The following ALOX12B variants were observed in gnomAD, a reference collection of about 807,000 sequenced individuals.
ALOX12B encodes the protein arachidonate 12-lipoxygenase, 12R-type.
Under a neutral mutation model 78.9 loss-of-function variants are expected in ALOX12B, and 47 were observed. That is an observed-to-expected ratio of 0.60 (90% CI 0.47 to 0.76). The LOEUF is 0.76. Ranked by LOEUF, ALOX12B falls within the 30% of genes least tolerant of loss-of-function variation. ALOX12B has a pLI of 0.00. For missense variants in ALOX12B, 805 were observed against 922.6 expected (o/e 0.87, Z 1.65); for synonymous variants, 370 against 374.5 (o/e 0.99, Z 0.14).
At position 8,086,221 on chromosome 17, in the gene ALOX12B, C is replaced by T; in HGVS notation, c.148-1G>A. The T allele has an allele frequency of 6.2e-7, 1 of 1,613,864 alleles. No homozygotes were observed. The highest frequency in any genetic ancestry group is 1.3e-5 in the African/African-American group (1 of 75,022). On this transcript the variant is annotated splice_acceptor_variant, in intron 1 of 14. Transcript: ENST00000647874. LOFTEE classifies it high-confidence loss of function. The stretch of plus-strand genomic sequence containing the variant: ...GGCACTGCACGGTGTACTGGCCCAC[C>T]TAGGCAGGATGCAAGCCTGGCTGAG...
chr17:8,074,699 G>T (rs1046180307), intron 12 of ALOX12B, among the ~76,000 whole-genome samples: 4 of 152,108 alleles, frequency 2.6e-5, no homozygotes, highest in African/African-American at 9.7e-5. Flanking sequence ...CCTTAACCAG[G>T]CTGTGCAGCC....
intron 9 of ALOX12B, 86 bp downstream of exon 9, chr17:8,076,904 T>C: frequency 6.7e-7 from 1 of 1,488,504 alleles, no homozygotes. Context: ...CTGGAGTCTC[T>C]CTGACTGCTC....
chr17:8,076,399 A>C (rs1977083662), intron 10 of ALOX12B, 55 bp from the exon 11 acceptor site: 8 of 1,545,514 alleles, frequency 5.2e-6, no homozygotes, highest in Non-Finnish European at 7.0e-6. Flanking sequence ...GAACCCCTTC[A>C]GGTCCTCTAG....
Position 8,079,963 on chromosome 17 carries a change from G to C in ALOX12B, c.755-22C>G, listed in dbSNP as rs373416614. 9 of 1,606,476 alleles carry C rather than the reference G, an allele frequency of 5.6e-6. No individual in the cohort carries two copies. The highest frequency in any genetic ancestry group is 1.7e-5 in the Admixed American group (1 of 58,896). On this transcript the variant is annotated intron_variant, in intron 6 of 14. Transcript: ENST00000647874. The surrounding 1 kb of genome is among the most constrained non-coding windows in gnomAD (Gnocchi z 6.4). ...TACTCTGCGAGGACGGCGCGAGGGC[G>C]TCACAAGGAGGCCCGGCCCCCCTCG... is the stretch of plus-strand genomic sequence containing the variant.
At chr17:8,074,361 C>T (rs1046640661) in intron 12 of ALOX12B, among the ~76,000 whole-genome samples, 2 of 152,136 alleles carry the variant, frequency 1.3e-5, no homozygotes, top group African/African-American at 4.8e-5. Flanking sequence ...CATCTTCCTC[C>T]CTAACCGCTC....
rs936466427 is a variant in ALOX12B, at chr17:8,075,683, C to A, written c.1566G>T (p.Pro522=). 4 of 1,614,156 alleles carry A rather than the reference C, an allele frequency of 2.5e-6. No homozygotes were observed. The highest frequency in any genetic ancestry group is 1.7e-6 in the Non-Finnish European group (2 of 1,180,034). Residue 522 remains proline, a synonymous_variant, in exon 12 of 15, where the codon CCG becomes CCT. Coordinates refer to ENST00000647874, the MANE Select transcript of ALOX12B (RefSeq NM_001139.3). ...GATCACCCTCCACGGCTGCGTCACT[C>A]GGGTAATAATAGGTGATGATCTCCG... ...YVTEIITYYY[P]SDAAVEGDPE...
In ALOX12B at chr17:8,080,890, C is replaced by G. The variant is rs555210541; in HGVS notation, c.521G>C (p.Arg174Pro). Residue 174 changes from arginine (R) to proline (P), a missense_variant, in exon 4 of 15, where the codon CGG (arginine) becomes CCG (proline). By Grantham distance (103) the Arg-to-Pro change is moderately radical. Transcript: ENST00000647874. This position sits in a 1 kb window ranked among gnomAD's most constrained non-coding sequence, Gnocchi z 4.8. ...CACAGCTTCGGGTCCTTACTCAGGC[C>G]GGTTGGGGTTGCGATGCCTCCGCAC... Reference protein sequence around the residue: ...PPVRRHRNPNRPEWNGYIPGF... With the variant: ...PPVRRHRNPNPPEWNGYIPGF... The G allele has an allele frequency of 3.1e-5, 50 of 1,613,758 alleles. No individual in the cohort carries two copies. Among genetic ancestry groups the G allele is most frequent in the Non-Finnish European group, 3.9e-5 (46 of 1,179,990 alleles).
chr17:8,087,597 A>G lies in ALOX12B; in HGVS notation c.-155T>C, dbSNP rs2278635. ...GGTGAGGTGGCGAGGTGGGGTGACT[A>G]GGCCTGCCAGCCAAATTCTGGAAAA... is the stretch of plus-strand genomic sequence containing the variant. On this transcript the variant is annotated 5_prime_UTR_variant, in exon 1 of 15. Transcript: ENST00000647874. 0.41 allele frequency: 531,971 copies of G among 1,293,520 alleles called. 110,671 individuals are homozygous for G. Among genetic ancestry groups the G allele is most frequent in the South Asian group, 0.45 (35,321 of 78,042 alleles). 80.1% of individuals were successfully genotyped at this position (1,293,520 alleles called of 1,614,324 possible).
Position 8,079,244 on chromosome 17 carries a change from C to T in ALOX12B, c.1071+152G>A, listed in dbSNP as rs551145657. ...AAACTTGAGCATCTGCAGATTTTGG[C>T]ATCCCGGGGAGGTCCTGGAACCAAT... On this transcript the variant is annotated intron_variant, in intron 8 of 14. Transcript: ENST00000647874. This position sits in a 1 kb window ranked among gnomAD's most constrained non-coding sequence, Gnocchi z 6.4. The T allele has an allele frequency of 5.0e-6, 6 of 1,199,286 alleles. No individual in the cohort carries two copies. The East Asian group carries it at 1.6e-4, about 32-fold the overall frequency. 74.3% of individuals were successfully genotyped at this position (1,199,286 alleles called of 1,614,324 possible).
chr17:8,080,856 G>C lies in ALOX12B; in HGVS notation c.527+28C>G. The C allele has an allele frequency of 6.2e-7, 1 of 1,613,902 alleles. No homozygotes were observed. The highest frequency in any genetic ancestry group is 8.5e-7 in the Non-Finnish European group (1 of 1,179,946). On this transcript the variant is annotated intron_variant, in intron 4 of 14. Coordinates refer to ENST00000647874, the MANE Select transcript of ALOX12B (RefSeq NM_001139.3). This position sits in a 1 kb window ranked among gnomAD's most constrained non-coding sequence, Gnocchi z 4.8. Reference sequence around the variant, plus strand: ...AGGCGCCCAGGGGAAAACCATGGGCGGGGCCCAGCACAGCTTCGGGTCCTT... The same window carrying C: ...AGGCGCCCAGGGGAAAACCATGGGCCGGGCCCAGCACAGCTTCGGGTCCTT...
At position 8,075,733 on chromosome 17, in the gene ALOX12B, G is replaced by T. The variant is rs775841138; in HGVS notation, c.1533-17C>A. On this transcript the variant is annotated splice_polypyrimidine_tract_variant and intron_variant, in intron 11 of 14. Coordinates refer to ENST00000647874, the MANE Select transcript of ALOX12B (RefSeq NM_001139.3). ...GTCACATACCTGACCAGGGGACAGG[G>T]CCTCAGTTTGGATCCTCCTCCCCTC... The T allele has an allele frequency of 1.2e-6, 2 of 1,613,986 alleles. No homozygotes were observed. Among genetic ancestry groups the T allele is most frequent in the African/African-American group, 2.7e-5 (2 of 74,910 alleles).
chr17:8,080,225 C>T lies in ALOX12B; in HGVS notation c.754+10G>A. 1 of 1,613,170 alleles carries T rather than the reference C, an allele frequency of 6.2e-7. No individual in the cohort carries two copies. The highest frequency in any genetic ancestry group is 8.5e-7 in the Non-Finnish European group (1 of 1,179,038). On this transcript the variant is annotated intron_variant, in intron 6 of 14. Coordinates refer to ENST00000647874, the MANE Select transcript of ALOX12B (RefSeq NM_001139.3). This position sits in a 1 kb window ranked among gnomAD's most constrained non-coding sequence, Gnocchi z 4.8. ...TCCCCCTGCTCGATCCGGGACGCCCCATTCCATACCGGAGACGACAGATTT... is the reference window on the plus strand; with the variant it reads ...TCCCCCTGCTCGATCCGGGACGCCCTATTCCATACCGGAGACGACAGATTT...
Position 8,087,371 on chromosome 17 carries a change from C to T in ALOX12B, c.72G>A (p.Leu24=). ...LLSGTRDSIS[L]TIVGTQGESH... is the part of the protein sequence containing the mutation. Reference sequence around the variant, plus strand: ...TCTCTCCTTGTGTCCCCACAATGGTCAGTGAGATGGAGTCCCGTGTTCCCG... The same window carrying T: ...TCTCTCCTTGTGTCCCCACAATGGTTAGTGAGATGGAGTCCCGTGTTCCCG... The change falls in exon 1 of 15, where the codon CTG becomes CTA. Residue 24 remains leucine, a synonymous_variant. Transcript: ENST00000647874. 9 of 1,614,236 alleles carry T rather than the reference C, an allele frequency of 5.6e-6. No homozygotes were observed. Among genetic ancestry groups the T allele is most frequent in the Non-Finnish European group, 7.6e-6 (9 of 1,180,034 alleles).
chr17:8,086,474 G>C (rs1484766406), intron 1 of ALOX12B, among the ~76,000 whole-genome samples: 2 of 152,130 alleles, frequency 1.3e-5, no homozygotes, highest in Admixed American at 6.5e-5. Flanking sequence ...CCCAGCTCCT[G>C]TCTTCTCCCA....
At chr17:8,074,230 C>A (rs994534000) in intron 12 of ALOX12B, among the ~76,000 whole-genome samples, 1 of 152,162 alleles carries the variant, frequency 6.6e-6, no homozygotes, top group Non-Finnish European at 1.5e-5. Flanking sequence ...AAGCTGCTGG[C>A]TTCCCTTTCC....
At chr17:8,081,705 T>C (rs1391720611) in intron 2 of ALOX12B, 8 of 181,690 alleles carry the variant, frequency 4.4e-5, no homozygotes, top group Non-Finnish European at 9.5e-5. Context: ...TGCAATGGCA[T>C]GATCTCGGCT....
At chr17:8,083,302 G>A (rs1166437222) in intron 2 of ALOX12B, among the ~76,000 whole-genome samples, 1 of 152,144 alleles carries the variant, frequency 6.6e-6, no homozygotes, top group Non-Finnish European at 1.5e-5. Context: ...GGAATCAACA[G>A]TTTCAGCTAA....
intron 2 of ALOX12B, among the ~76,000 whole-genome samples, chr17:8,084,116 C>T (rs1003043522): frequency 3.9e-5 from 6 of 152,154 alleles, no homozygotes; most frequent in African/African-American, 1.2e-4. Context: ...CGAGATTGCG[C>T]CACTGCACTC....
At chr17:8,086,974 G>T (rs904975540) in intron 1 of ALOX12B, among the ~76,000 whole-genome samples, 2 of 152,092 alleles carry the variant, frequency 1.3e-5, no homozygotes, top group Non-Finnish European at 2.9e-5. Flanking sequence ...GAAAAGGATG[G>T]GGAGGGAGAT....
Sources: allele counts gnomAD v4.1 joint callset (sites outside exome capture counted in the v4.1 genomes callset), GRCh38; gene constraint gnomAD v4.1.1; non-coding constraint Gnocchi (gnomAD v3.1); transcripts MANE v1.5; gene names NCBI Gene and HGNC (gene_info 2026-07-23, HGNC 2026-07-21).